Variants in REEP5 observed in about 807,000 individuals in gnomAD.
The protein encoded by REEP5 is receptor accessory protein 5.
In REEP5, 24 loss-of-function variants were observed where a neutral mutation model predicts 22.4. The observed-to-expected ratio is 1.07, with a 90% CI of 0.78 to 1.51. The LOEUF (loss-of-function observed/expected upper bound fraction) is 1.51. Ranked by LOEUF, REEP5 falls within the 40% of genes most tolerant of loss-of-function variation. REEP5 has a pLI of 0.00. For synonymous variants in REEP5, 103 were observed against 88.6 expected, an observed-to-expected ratio of 1.16 and a Z score of -0.92; for missense variants, 252 against 233.0, an observed-to-expected ratio of 1.08 and a Z score of -0.53.
At chr5:112,921,112 C>A (rs765689386) in intron 2 of REEP5, 51 bp downstream of exon 2, 1 of 1,557,360 alleles carries the variant, frequency 6.4e-7, no homozygotes, top group Non-Finnish European at 8.8e-7. Context: ...AGCAGCCCTG[C>A]GGGGAGGAAT....
At position 112,922,155 on chromosome 5, in the gene REEP5, G is replaced by C; in HGVS notation, c.36C>G (p.Phe12Leu). 1 of 1,608,068 alleles carries C rather than the reference G, an allele frequency of 6.2e-7. No homozygotes were observed. Among genetic ancestry groups the C allele is most frequent in the Non-Finnish European group, 8.5e-7 (1 of 1,177,404 alleles). Residue 12 changes from phenylalanine (F) to leucine (L), a missense_variant, in exon 1 of 5, where the codon TTC becomes TTG. Transcript: ENST00000379638. The stretch of plus-strand genomic sequence containing the variant: ...CAGTCATGCAGTTCTTCTCGTGCAG[G>C]AACCGGTCGAACCTCTCCCTCATGG... ...SAAMRERFDR[F>L]LHEKNCMTDL... is the part of the protein sequence containing the mutation.
At chr5:112,919,128 TGGAGAA>T in intron 2 of REEP5, among the ~76,000 whole-genome samples, 1 of 152,178 alleles carries the variant, frequency 6.6e-6, no homozygotes, top group African/African-American at 2.4e-5. Flanking sequence ...ACAAGAGGTA[TGGAGAA>T]TAGTTAAAAT....
chr5:112,921,163 G>C lies in REEP5; in HGVS notation c.212C>G (p.Ser71Ter), dbSNP rs1432347516. Reference protein sequence around the residue: ...LIGFGYPAYISIKAIESPNKE... With the variant: ...LIGFGYPAYI ...GACGGCTGCAGGGTGTGTCACTTAC[G>C]AGATGTAGGCTGGGTAGCCAAATCC... Residue 71 changes from serine to a stop codon, truncating the protein, a stop_gained and splice_region_variant, in exon 2 of 5, where the codon TCA becomes TGA. Coordinates refer to ENST00000379638, the MANE Select transcript of REEP5 (RefSeq NM_005669.5). LOFTEE classifies it high-confidence loss of function. 2 of 1,614,050 alleles carry C rather than the reference G, an allele frequency of 1.2e-6. No homozygotes were observed. The highest frequency in any genetic ancestry group is 1.7e-6 in the Non-Finnish European group (2 of 1,179,962).
chr5:112,920,307 G>C (rs1359636773), intron 2 of REEP5, among the ~76,000 whole-genome samples: 3 of 152,138 alleles, frequency 2.0e-5, no homozygotes. Context: ...AGCCTCCTAG[G>C]TGAAAATTTT....
intron 3 of REEP5, among the ~76,000 whole-genome samples, chr5:112,901,920 G>A (rs999801790): frequency 6.8e-6 from 1 of 146,608 alleles, no homozygotes; most frequent in Non-Finnish European, 1.5e-5. Context: ...CCAAGATCAT[G>A]CCACTGCACT....
intron 4 of REEP5, chr5:112,885,164 G>A (rs1337083773): frequency 1.2e-5 from 2 of 170,260 alleles, no homozygotes; most frequent in Middle Eastern, 1.7e-3. Context: ...TGCTGCTCAT[G>A]GTGCCAGCCC....
chr5:112,888,423 A>G (rs1768327450), intron 3 of REEP5, among the ~76,000 whole-genome samples: 1 of 152,216 alleles, frequency 6.6e-6, no homozygotes, highest in African/African-American at 2.4e-5. Flanking sequence ...GTTCTCAACA[A>G]TATCTCCAGA....
intron 4 of REEP5, among the ~76,000 whole-genome samples, chr5:112,879,841 G>A (rs1337551690): frequency 2.6e-5 from 4 of 152,050 alleles, no homozygotes; most frequent in Non-Finnish European, 5.9e-5. Flanking sequence ...CACTTTGGGA[G>A]GCTGAGGTGG....
chr5:112,882,559 A>G (rs1313616944), intron 4 of REEP5, among the ~76,000 whole-genome samples: 4 of 152,206 alleles, frequency 2.6e-5, no homozygotes, highest in African/African-American at 9.7e-5. Context: ...TGGTTTCACT[A>G]TAAATTCATG....
chr5:112,896,652 C>A (rs1768688501), intron 3 of REEP5: 2 of 152,072 alleles, frequency 1.3e-5, no homozygotes, highest in Admixed American at 1.3e-4. Context: ...AAAAATAAAT[C>A]TAGCCAGGCC....
intron 3 of REEP5, among the ~76,000 whole-genome samples, chr5:112,889,828 A>AT (rs1768378526): frequency 7.7e-6 from 1 of 129,612 alleles, no homozygotes. Context: ...GGAAAAAAAA[A>AT]ATTTTTTTTT....
chr5:112,907,267 C>T (rs1436951729), intron 2 of REEP5, among the ~76,000 whole-genome samples: 4 of 152,158 alleles, frequency 2.6e-5, no homozygotes, highest in African/African-American at 9.7e-5. Context: ...AGTACCGCCT[C>T]ATCCTCTGGC....
At chr5:112,917,145 G>T (rs897091362) in intron 2 of REEP5, among the ~76,000 whole-genome samples, 6 of 152,186 alleles carry the variant, frequency 3.9e-5, no homozygotes, top group Non-Finnish European at 7.4e-5. Flanking sequence ...TTGAACTCCT[G>T]GCCTCAAGCA....
intron 3 of REEP5, chr5:112,895,831 T>G (rs1768664544): frequency 6.6e-6 from 1 of 152,194 alleles, no homozygotes; most frequent in African/African-American, 2.4e-5. Context: ...TCAATCAAGC[T>G]GCCCTCAAAG....
In REEP5 at chr5:112,916,712, T is replaced by C. The variant is rs113708661; in HGVS notation, c.212+4451A>G. Among the ~76,000 whole-genome samples the C allele has an allele frequency of 1.8e-3, 275 of 152,238 alleles. 1 individual carries two copies. The highest frequency in any genetic ancestry group is 6.3e-3 in the African/African-American group (262 of 41,550). ...GACATTCAAAGAGCCACAAGGGAGG[T>C]AGCATAACGTAATCATTAAAAGCAT... is the stretch of plus-strand genomic sequence containing the variant. On this transcript the variant is annotated intron_variant, in intron 2 of 4. Coordinates refer to ENST00000379638, the MANE Select transcript of REEP5 (RefSeq NM_005669.5).
At chr5:112,917,039 G>A (rs543851644) in intron 2 of REEP5, among the ~76,000 whole-genome samples, 19 of 152,174 alleles carry the variant, frequency 1.2e-4, no homozygotes, top group Non-Finnish European at 1.8e-4. Flanking sequence ...ATGGGCTTGT[G>A]AGGACACACA....
At chr5:112,908,587 G>A (rs760844529) in intron 2 of REEP5, among the ~76,000 whole-genome samples, 1 of 150,758 alleles carries the variant, frequency 6.6e-6, no homozygotes, top group African/African-American at 2.4e-5. Context: ...GTGCAGTGGC[G>A]CGATCTCGGC....
chr5:112,897,652 T>C (rs1264497328), intron 3 of REEP5: 1 of 152,246 alleles, frequency 6.6e-6, no homozygotes, highest in Non-Finnish European at 1.5e-5. Context: ...TCTTCTCAAC[T>C]AAGCTTTGAT....
intron 2 of REEP5, among the ~76,000 whole-genome samples, chr5:112,904,324 T>C (rs1768908969): frequency 6.6e-6 from 1 of 152,214 alleles, no homozygotes; most frequent in South Asian, 2.1e-4. Flanking sequence ...ATGTGTAAGA[T>C]TTCTTCTCCC....
Sources: gnomAD v4.1 joint callset for allele counts (sites outside exome capture counted in the v4.1 genomes callset) on GRCh38, gnomAD v4.1.1 for gene constraint, MANE v1.5 for transcripts, NCBI Gene and HGNC (gene_info 2026-07-23, HGNC 2026-07-21) for gene names.